USP47: variants seen among roughly 807,000 people sequenced by gnomAD.
USP47 encodes the protein ubiquitin specific peptidase 47.
Under a neutral mutation model 165.1 loss-of-function variants are expected in USP47, and 35 were observed. The observed-to-expected ratio is 0.21, with a 90% CI of 0.16 to 0.28. The LOEUF (loss-of-function observed/expected upper bound fraction) is 0.28, where lower values mean the gene tolerates loss of function less well. USP47 is among the 10% of genes least tolerant of loss of function. The probability of loss-of-function intolerance (pLI) is 1.00; values close to 1 mark genes in which losing one functional copy is unlikely to be tolerated. For synonymous variants in USP47, 531 were observed against 544.5 expected (o/e 0.98, Z 0.35); for missense variants, 1,277 against 1,607.4 (o/e 0.79, Z 3.52).
chr11:11,890,708 C>T (rs1024239236), intron 3 of USP47, among the ~76,000 whole-genome samples: 2 of 152,058 alleles, frequency 1.3e-5, no homozygotes, highest in South Asian at 2.1e-4. Flanking sequence ...GATACATGCA[C>T]TCATATGTTC....
At chr11:11,861,457 T>A (rs986345420) in intron 1 of USP47, among the ~76,000 whole-genome samples, 2 of 152,214 alleles carry the variant, frequency 1.3e-5, no homozygotes, top group African/African-American at 2.4e-5. Flanking sequence ...GGTTGGTTTT[T>A]AATTGTCAAA....
At chr11:11,912,196 G>A (rs1325211211) in intron 8 of USP47, among the ~76,000 whole-genome samples, 3 of 151,324 alleles carry the variant, frequency 2.0e-5, no homozygotes, top group Admixed American at 1.3e-4. Flanking sequence ...CAAAGCAAGC[G>A]GAAGGAAGGA....
chr11:11,948,135 T>C lies in USP47; in HGVS notation c.3267+15T>C. 6.3e-7 allele frequency: 1 copy of C among 1,598,194 alleles called. No individual in the cohort carries two copies. The highest frequency in any genetic ancestry group is 8.5e-7 in the Non-Finnish European group (1 of 1,174,352). The stretch of plus-strand genomic sequence containing the variant: ...ATGACAATAAGGTTGATTAAAATAA[T>C]CTTCGAGTAGTTAGAGTCTATTTTA... On this transcript the variant is annotated intron_variant, in intron 21 of 27. Transcript: ENST00000527733.
intron 1 of USP47, among the ~76,000 whole-genome samples, chr11:11,866,474 G>A (rs140769339): frequency 7.2e-5 from 11 of 152,246 alleles, no homozygotes; most frequent in African/African-American, 2.6e-4. Flanking sequence ...CCCTGAGTTG[G>A]TGGTGGTTCT....
intron 1 of USP47, among the ~76,000 whole-genome samples, chr11:11,857,874 C>A (rs957875716): frequency 6.6e-6 from 1 of 152,174 alleles, no homozygotes; most frequent in Non-Finnish European, 1.5e-5. Context: ...CGGGCCAAAT[C>A]TTCATTTGCA....
intron 8 of USP47, among the ~76,000 whole-genome samples, chr11:11,913,855 T>G (rs1385573201): frequency 6.6e-6 from 1 of 152,122 alleles, no homozygotes; most frequent in Non-Finnish European, 1.5e-5. Context: ...ATGTATCAAG[T>G]ATCACATGTA....
At position 11,954,985 on chromosome 11, in the gene USP47, T is replaced by G; in HGVS notation, c.3762+41T>G. ...TGTTGCATCTGTGTATTGTGCATGA[T>G]AAACACAGCTAGTGGCATGATTTAT... On this transcript the variant is annotated intron_variant, in intron 26 of 27. Coordinates refer to ENST00000527733, the MANE Select transcript of USP47 (RefSeq NM_001282659.2). 4 of 1,613,694 alleles carry G rather than the reference T, an allele frequency of 2.5e-6. No homozygotes were observed. The South Asian group carries it at 4.4e-5, about 18-fold the overall frequency.
At chr11:11,884,695 A>C in intron 3 of USP47, 115 bp downstream of exon 3, 3 of 685,076 alleles carry the variant, frequency 4.4e-6, no homozygotes, top group Non-Finnish European at 7.2e-6. Flanking sequence ...TAATAAATTA[A>C]TATTTTTTCA....
intron 5 of USP47, among the ~76,000 whole-genome samples, chr11:11,898,642 A>G (rs1851997955): frequency 6.6e-6 from 1 of 152,222 alleles, no homozygotes; most frequent in South Asian, 2.1e-4. Context: ...AAGTCTTTCT[A>G]CAATAGCAAT....
chr11:11,916,884 T>C (rs1238978583), intron 8 of USP47, among the ~76,000 whole-genome samples: 1 of 152,180 alleles, frequency 6.6e-6, no homozygotes, highest in African/African-American at 2.4e-5. Flanking sequence ...TCACAGTGGC[T>C]CATGCCTGTA....
Position 11,948,004 on chromosome 11 carries a change from C to G in USP47, c.3151C>G (p.Pro1051Ala). ...GGCAGCTTTCAAACAACATTTAGAG[C>G]CCTTTGTTGGAGTTTTGTCCTCTCA... ...TLAAFKQHLE[P>A]FVGVLSSHFK... Residue 1051 changes from proline to alanine, a missense_variant, in exon 21 of 28, where the codon CCC becomes GCC. By Grantham distance (27) the Pro-to-Ala change is conservative. Coordinates refer to ENST00000527733, the MANE Select transcript of USP47 (RefSeq NM_001282659.2). 2.5e-6 allele frequency: 4 copies of G among 1,613,408 alleles called. No individual in the cohort carries two copies. Among genetic ancestry groups the G allele is most frequent in the Middle Eastern group, 1.7e-4 (1 of 6,056 alleles).
At chr11:11,881,098 ATTT>A (rs1390443569) in intron 2 of USP47, among the ~76,000 whole-genome samples, 1 of 151,660 alleles carries the variant, frequency 6.6e-6, no homozygotes, top group Non-Finnish European at 1.5e-5. Flanking sequence ...ATATTTAGTG[ATTT>A]TTATTTTCTG....
intron 3 of USP47, among the ~76,000 whole-genome samples, chr11:11,891,606 C>A (rs1323056536): frequency 6.6e-6 from 1 of 152,212 alleles, no homozygotes; most frequent in East Asian, 1.9e-4. Context: ...TCCTTTTCAG[C>A]ATCTTCCTTA....
At chr11:11,893,959 A>G (rs1262754282) in intron 4 of USP47, among the ~76,000 whole-genome samples, 1 of 152,234 alleles carries the variant, frequency 6.6e-6, no homozygotes, top group Non-Finnish European at 1.5e-5. Context: ...TGGAAATAAT[A>G]GTAAAACCTG....
chr11:11,915,412 C>G (rs1279036763), intron 8 of USP47, among the ~76,000 whole-genome samples: 1 of 152,080 alleles, frequency 6.6e-6, no homozygotes, highest in Non-Finnish European at 1.5e-5. Context: ...AGGAACTGTT[C>G]AGTCTTTTGA....
intron 1 of USP47, chr11:11,873,844 G>A (rs1400576272): frequency 6.7e-7 from 1 of 1,490,182 alleles, no homozygotes. Flanking sequence ...ATGAAATGAA[G>A]AAGAAATTTT....
intron 1 of USP47, among the ~76,000 whole-genome samples, chr11:11,876,725 G>T (rs1564860237): frequency 6.6e-6 from 1 of 152,194 alleles, no homozygotes; most frequent in South Asian, 2.1e-4. Flanking sequence ...CTCACAGCAT[G>T]CTGATTGATC....
At chr11:11,880,122 CTTTTG>C (rs2134303396) in intron 1 of USP47, 50 bp from the exon 2 acceptor site, 1 of 1,213,836 alleles carries the variant, frequency 8.2e-7, no homozygotes, top group East Asian at 2.8e-5. Flanking sequence ...GCTAATTATA[CTTTTG>C]TTTTGCTTTA....
intron 7 of USP47, among the ~76,000 whole-genome samples, chr11:11,905,178 T>C (rs1194480086): frequency 6.6e-6 from 1 of 151,110 alleles, no homozygotes; most frequent in Admixed American, 6.6e-5. Flanking sequence ...TTATTGATTT[T>C]AGGTTATTTG....
Sources: allele counts gnomAD v4.1 joint callset (sites outside exome capture counted in the v4.1 genomes callset), GRCh38; gene constraint gnomAD v4.1.1; transcripts MANE v1.5; gene names NCBI Gene and HGNC (gene_info 2026-07-23, HGNC 2026-07-21).